CPN1: variants seen among roughly 807,000 people sequenced by gnomAD.
The protein encoded by CPN1 is carboxypeptidase N subunit 1, also known as carboxypeptidase N catalytic chain.
A neutral mutation model predicts 46.4 loss-of-function variants in CPN1; 37 were observed. The ratio of observed to expected loss-of-function variants is 0.80; its 90% CI spans 0.61 to 1.05. CPN1 has a LOEUF of 1.05. CPN1 is among the 50% of genes least tolerant of loss of function. CPN1 has a pLI of 0.00. For synonymous variants in CPN1, 224 were observed against 235.4 expected, an observed-to-expected ratio of 0.95 and a Z score of 0.44; for missense variants, 563 against 602.6, an observed-to-expected ratio of 0.93 and a Z score of 0.69.
chr10:100,076,323 AC>A (rs1193138409), intron 1 of CPN1, among the ~76,000 whole-genome samples: 1 of 152,150 alleles, frequency 6.6e-6, no homozygotes. Context: ...CATGTATTGA[AC>A]CCCCATAGTG....
chr10:100,047,554 G>C (rs1344443133), intron 8 of CPN1, among the ~76,000 whole-genome samples: 1 of 152,138 alleles, frequency 6.6e-6, no homozygotes, highest in African/African-American at 2.4e-5. Flanking sequence ...TTGTCCAGTT[G>C]CATTTATTAC....
chr10:100,042,852 G>A (rs1347419589), intron 8 of CPN1, among the ~76,000 whole-genome samples: 2 of 152,032 alleles, frequency 1.3e-5, no homozygotes, highest in Non-Finnish European at 2.9e-5. Context: ...CCAGCACTTG[G>A]GAGGCTGAGG....
At chr10:100,073,092 A>G (rs1227045426) in intron 2 of CPN1, among the ~76,000 whole-genome samples, 2 of 152,156 alleles carry the variant, frequency 1.3e-5, no homozygotes, top group Non-Finnish European at 2.9e-5. Flanking sequence ...ATTCAGTATT[A>G]TTCTCAGATT....
At chr10:100,078,132 C>T (rs2041525742) in intron 1 of CPN1, among the ~76,000 whole-genome samples, 1 of 152,112 alleles carries the variant, frequency 6.6e-6, no homozygotes, top group East Asian at 1.9e-4. Flanking sequence ...GATAGCCTCT[C>T]GAATTTCTCA....
In CPN1 at chr10:100,042,577, G is replaced by C. The variant is rs1211984795; in HGVS notation, c.1231-4C>G. On this transcript the variant is annotated splice_region_variant and splice_polypyrimidine_tract_variant and intron_variant, in intron 8 of 8. Transcript: ENST00000370418. ...TTCTTTTGAGGTGGAAGTTAACCTG[G>C]AAGAAAAAAAGCAGGAGCTACGAGA... is the stretch of plus-strand genomic sequence containing the variant. 6.2e-7 allele frequency: 1 copy of C among 1,613,574 alleles called. No individual in the cohort carries two copies. The highest frequency in any genetic ancestry group is 1.7e-5 in the Admixed American group (1 of 59,918).
intron 3 of CPN1, among the ~76,000 whole-genome samples, chr10:100,066,733 G>C (rs1420483875): frequency 6.6e-6 from 1 of 152,192 alleles, no homozygotes; most frequent in Non-Finnish European, 1.5e-5. Context: ...GGCTCCTTCT[G>C]GACCAAGGTC....
intron 5 of CPN1, 90 bp from the exon 6 acceptor site, chr10:100,057,242 C>A: frequency 6.8e-7 from 1 of 1,466,628 alleles, no homozygotes; most frequent in Non-Finnish European, 9.2e-7. Flanking sequence ...TTAAAATTTT[C>A]TGTTTTTATT....
chr10:100,047,141 CAGA>C (rs1355292611), intron 8 of CPN1, among the ~76,000 whole-genome samples: 1 of 151,906 alleles, frequency 6.6e-6, no homozygotes, highest in Non-Finnish European at 1.5e-5. Flanking sequence ...AAAGATGAAG[CAGA>C]AGATCTCTTG....
intron 6 of CPN1, among the ~76,000 whole-genome samples, chr10:100,056,537 C>A (rs1224789451): frequency 6.6e-6 from 1 of 152,012 alleles, no homozygotes; most frequent in Non-Finnish European, 1.5e-5. Flanking sequence ...CAGTTTCTGA[C>A]AAATAGTTGT....
chr10:100,058,145 C>T (rs182278261), intron 5 of CPN1, among the ~76,000 whole-genome samples: 40 of 152,266 alleles, frequency 2.6e-4, no homozygotes, highest in Middle Eastern at 3.4e-3. Flanking sequence ...TTCATAAATG[C>T]CCCTTTTGTC....
chr10:100,075,286 T>A (rs2041507623), intron 2 of CPN1, among the ~76,000 whole-genome samples: 1 of 151,960 alleles, frequency 6.6e-6, no homozygotes, highest in Admixed American at 6.6e-5. Context: ...TAAGACTCTA[T>A]CCCAAAAAAA....
intron 7 of CPN1, among the ~76,000 whole-genome samples, chr10:100,050,311 G>A (rs1005047485): frequency 3.9e-5 from 6 of 152,220 alleles, no homozygotes; most frequent in African/African-American, 4.8e-5. Flanking sequence ...CCGAGATCGC[G>A]CCACTGCACT....
Position 100,057,091 on chromosome 10 carries a change from GCAA to G in CPN1, c.930_932del (p.Cys311del), listed in dbSNP as rs1224416737. The G allele has an allele frequency of 1.2e-6, 2 of 1,613,980 alleles. No individual in the cohort carries two copies. Among genetic ancestry groups the G allele is most frequent in the African/African-American group, 2.7e-5 (2 of 74,886 alleles). ...ACTCCTCTTCGGGGGGAAACTTGTC[GCAA>G]CTCAGTTCCAGCGTGATCTCAAAGC... On this transcript the variant is annotated inframe_deletion, in exon 6 of 9. Coordinates refer to ENST00000370418, the MANE Select transcript of CPN1 (RefSeq NM_001308.3).
At chr10:100,048,416 G>A (rs1283638977) in intron 8 of CPN1, among the ~76,000 whole-genome samples, 1 of 152,094 alleles carries the variant, frequency 6.6e-6, no homozygotes, top group Non-Finnish European at 1.5e-5. Context: ...ATTTTGCAAG[G>A]GCCAAGGGTG....
Position 100,042,447 on chromosome 10 carries a change from G to A in CPN1, c.1357C>T (p.Leu453=), listed in dbSNP as rs754819282. 96 of 1,613,472 alleles carry A rather than the reference G, an allele frequency of 5.9e-5. No individual in the cohort carries two copies. The highest frequency in any genetic ancestry group is 8.0e-5 in the Non-Finnish European group (94 of 1,180,018). Reference sequence around the variant, plus strand: ...GGGTTTCAGGCAGGGCCTCTCTGCAGCTGCCTCATCTCCATTTCTTTCTTT... The same window carrying A: ...GGGTTTCAGGCAGGGCCTCTCTGCAACTGCCTCATCTCCATTTCTTTCTTT... ...ARKKEMEMRQ[L]QRGPA Residue 453 remains leucine, a synonymous_variant, in exon 9 of 9, where the codon CTG becomes TTG. Transcript: ENST00000370418.
chr10:100,055,013 G>A (rs1564772034), intron 6 of CPN1, among the ~76,000 whole-genome samples: 1 of 151,834 alleles, frequency 6.6e-6, no homozygotes, highest in Non-Finnish European at 1.5e-5. Flanking sequence ...CGAGGTGGGC[G>A]GATCACCTGA....
intron 4 of CPN1, among the ~76,000 whole-genome samples, chr10:100,063,989 G>A (rs1315177588): frequency 6.6e-6 from 1 of 152,140 alleles, no homozygotes; most frequent in African/African-American, 2.4e-5. Context: ...GTAGACTAGA[G>A]TTAGGAGATC....
Position 100,081,516 on chromosome 10 carries a change from T to C in CPN1, c.110A>G (p.Lys37Arg), listed in dbSNP as rs776976696. 1 of 1,614,144 alleles carries C rather than the reference T, an allele frequency of 6.2e-7. No homozygotes were observed. Reference sequence around the variant, plus strand: ...GATGCCGGGGCATTCGTTTTGCACCTTGTACAGCGTCCGCACAAGATCATC... The same window carrying C: ...GATGCCGGGGCATTCGTTTTGCACCCTGTACAGCGTCCGCACAAGATCATC... ...RYDDLVRTLY[K>R]VQNECPGITR... Residue 37 changes from lysine (K) to arginine (R), a missense_variant, in exon 1 of 9, where the codon AAG (lysine) becomes AGG (arginine). Coordinates refer to ENST00000370418, the MANE Select transcript of CPN1 (RefSeq NM_001308.3).
chr10:100,071,687 A>G (rs944046437), intron 2 of CPN1, among the ~76,000 whole-genome samples: 3 of 152,216 alleles, frequency 2.0e-5, no homozygotes, highest in African/African-American at 7.2e-5. Context: ...TCTGTACTGA[A>G]TATGTACATA....
Sources: gnomAD v4.1 joint callset for allele counts (sites outside exome capture counted in the v4.1 genomes callset) on GRCh38, gnomAD v4.1.1 for gene constraint, MANE v1.5 for transcripts, NCBI Gene and HGNC (gene_info 2026-07-23, HGNC 2026-07-21) for gene names.